LAMA2: variants seen among roughly 807,000 people sequenced by gnomAD.
LAMA2 encodes laminin subunit alpha-2.
A neutral mutation model predicts 364.8 loss-of-function variants in LAMA2; 269 were observed. The observed-to-expected ratio is 0.74, with a 90% CI of 0.67 to 0.82. The LOEUF (loss-of-function observed/expected upper bound fraction) is 0.82. LAMA2 is among the 40% of genes least tolerant of loss of function. The pLI, the probability that LAMA2 is intolerant of heterozygous loss-of-function variation, is 0.00. For missense variants in LAMA2, 3,807 were observed against 3,873.2 expected (o/e 0.98, Z 0.45); for synonymous variants, 1,379 against 1,370.6 (o/e 1.01, Z -0.14).
chr6:129,173,842 A>G (rs1240470880), intron 9 of LAMA2, among the ~76,000 whole-genome samples: 1 of 152,108 alleles, frequency 6.6e-6, no homozygotes, highest in Non-Finnish European at 1.5e-5. Context: ...ATTACGAGGG[A>G]AATACGATGT....
At chr6:129,111,721 A>T (rs1291813606) in intron 4 of LAMA2, among the ~76,000 whole-genome samples, 1 of 152,056 alleles carries the variant, frequency 6.6e-6, no homozygotes, top group South Asian at 2.1e-4. Flanking sequence ...ATTTATAAGT[A>T]TAATAATTTA....
chr6:129,228,402 C>T (rs946933507), intron 12 of LAMA2, among the ~76,000 whole-genome samples: 2 of 152,098 alleles, frequency 1.3e-5, no homozygotes, highest in Non-Finnish European at 2.9e-5. Context: ...ATGTGGAAGT[C>T]ACCCATATTC....
At chr6:129,177,397 C>T (rs1375878198) in intron 9 of LAMA2, among the ~76,000 whole-genome samples, 2 of 152,092 alleles carry the variant, frequency 1.3e-5, no homozygotes, top group Admixed American at 1.3e-4. Context: ...TCAGCATTAG[C>T]GTTTGTGGAA....
intron 2 of LAMA2, among the ~76,000 whole-genome samples, chr6:129,051,685 TATCTATAGATCG>T (rs1445342373): frequency 8.2e-6 from 1 of 121,344 alleles, no homozygotes; most frequent in Non-Finnish European, 1.8e-5. Context: ...TAGATATCTA[TATCTATAGATCG>T]ATCTATAGAT....
chr6:128,996,483 C>T (rs552866440), intron 1 of LAMA2, among the ~76,000 whole-genome samples: 50 of 152,236 alleles, frequency 3.3e-4, no homozygotes, highest in African/African-American at 1.2e-3. Context: ...ACAGACACTT[C>T]TCAAAAGAAG....
chr6:129,342,231 A>G (rs772488082), intron 29 of LAMA2, 112 bp from the exon 30 acceptor site: 6 of 854,188 alleles, frequency 7.0e-6, no homozygotes, highest in Non-Finnish European at 1.2e-5. Context: ...GTGTGTGTGT[A>G]AGAAAGTATA....
In LAMA2 at chr6:129,316,100, C is replaced by G; in HGVS notation, c.3987C>G (p.Phe1329Leu). ...ATAGAACTGTGACCCGAGAAGACTT[C>G]TTGGATATACTATATGATATTCATT... ...RVHRTVTRED[F>L]LDILYDIHYI... Residue 1329 changes from phenylalanine to leucine, a missense_variant, in exon 27 of 65, where the codon TTC becomes TTG. Physicochemically the swap from Phe to Leu is conservative, Grantham distance 22. Coordinates refer to ENST00000421865, the MANE Select transcript of LAMA2 (RefSeq NM_000426.4). 2 of 1,609,388 alleles carry G rather than the reference C, an allele frequency of 1.2e-6. No homozygotes were observed. Among genetic ancestry groups the G allele is most frequent in the Non-Finnish European group, 1.7e-6 (2 of 1,175,840 alleles).
chr6:129,362,873 G>C (rs1036190728), intron 32 of LAMA2, among the ~76,000 whole-genome samples: 3 of 152,098 alleles, frequency 2.0e-5, no homozygotes, highest in African/African-American at 7.2e-5. Context: ...GGTGGGAGAA[G>C]ACCAAGGGAG....
intron 1 of LAMA2, among the ~76,000 whole-genome samples, chr6:129,044,978 T>A (rs1376062361): frequency 1.3e-5 from 2 of 152,162 alleles, no homozygotes; most frequent in Non-Finnish European, 2.9e-5. Flanking sequence ...AGATTTAACA[T>A]ATAATGAAAA....
At chr6:129,056,280 A>C (rs1245892293) in intron 2 of LAMA2, among the ~76,000 whole-genome samples, 4 of 152,116 alleles carry the variant, frequency 2.6e-5, no homozygotes, top group Non-Finnish European at 5.9e-5. Flanking sequence ...CTCTTATTTC[A>C]CCAGGGTCAT....
chr6:129,024,627 C>A (rs1201477740), intron 1 of LAMA2, among the ~76,000 whole-genome samples: 2 of 152,002 alleles, frequency 1.3e-5, no homozygotes, highest in African/African-American at 4.8e-5. Flanking sequence ...AACCCCTGAC[C>A]TCAGGTGATC....
chr6:128,986,546 A>G (rs1358858677), intron 1 of LAMA2, among the ~76,000 whole-genome samples: 1 of 152,090 alleles, frequency 6.6e-6, no homozygotes, highest in Non-Finnish European at 1.5e-5. Context: ...TTTCTCATCC[A>G]CTGAAAGTTT....
intron 10 of LAMA2, among the ~76,000 whole-genome samples, chr6:129,189,556 A>G (rs1420056299): frequency 6.6e-6 from 1 of 152,110 alleles, no homozygotes; most frequent in Non-Finnish European, 1.5e-5. Flanking sequence ...GATCTTTCCC[A>G]TAGTATCACT....
At chr6:129,239,023 A>G (rs1287575277) in intron 12 of LAMA2, among the ~76,000 whole-genome samples, 1 of 152,206 alleles carries the variant, frequency 6.6e-6, no homozygotes, top group Non-Finnish European at 1.5e-5. Context: ...TGCTCTGGGC[A>G]GTTACAATAT....
chr6:129,285,998 A>T (rs1000811687), intron 18 of LAMA2, among the ~76,000 whole-genome samples: 2 of 152,120 alleles, frequency 1.3e-5, no homozygotes, highest in African/African-American at 4.8e-5. Flanking sequence ...TTTCTAGAAA[A>T]CTTAGAATCA....
intron 1 of LAMA2, among the ~76,000 whole-genome samples, chr6:128,947,697 A>G (rs894441202): frequency 3.9e-5 from 6 of 152,170 alleles, no homozygotes; most frequent in African/African-American, 1.4e-4. Flanking sequence ...TAAAGCGAGG[A>G]TGTGAGACTG....
At chr6:129,075,703 G>A (rs570484418) in intron 3 of LAMA2, among the ~76,000 whole-genome samples, 3 of 152,246 alleles carry the variant, frequency 2.0e-5, no homozygotes, top group Admixed American at 1.3e-4. Context: ...TTGGCCTGAA[G>A]AAATTTTCCT....
chr6:128,993,059 G>A (rs1338710946), intron 1 of LAMA2, among the ~76,000 whole-genome samples: 1 of 152,150 alleles, frequency 6.6e-6, no homozygotes, highest in African/African-American at 2.4e-5. Flanking sequence ...ATCAATGAGA[G>A]CTCTCCCTGA....
chr6:129,390,696 T>G (rs567869327), intron 35 of LAMA2, among the ~76,000 whole-genome samples: 2 of 152,298 alleles, frequency 1.3e-5, no homozygotes, highest in East Asian at 3.9e-4. Flanking sequence ...ACTGTGTAAA[T>G]GTTTCAATTC....
Sources: allele counts gnomAD v4.1 joint callset (sites outside exome capture counted in the v4.1 genomes callset), GRCh38; gene constraint gnomAD v4.1.1; transcripts MANE v1.5; gene names NCBI Gene and HGNC (gene_info 2026-07-23, HGNC 2026-07-21).